Variants in CATSPERD observed in about 807,000 individuals in gnomAD.
CATSPERD encodes the protein cation channel sperm-associated auxiliary subunit delta.
Under a neutral mutation model 98.1 loss-of-function variants are expected in CATSPERD, and 86 were observed. The ratio of observed to expected loss-of-function variants is 0.88; its 90% CI spans 0.74 to 1.05. The LOEUF (loss-of-function observed/expected upper bound fraction) is 1.05. CATSPERD is among the 50% of genes least tolerant of loss of function. The probability of loss-of-function intolerance (pLI) is 0.00; values close to 1 mark genes in which losing one functional copy is unlikely to be tolerated. For missense variants in CATSPERD, 995 were observed against 1,005.7 expected, an observed-to-expected ratio of 0.99 and a Z score of 0.14; for synonymous variants, 394 against 390.2, an observed-to-expected ratio of 1.01 and a Z score of -0.12.
intron 2 of CATSPERD, among the ~76,000 whole-genome samples, chr19:5,725,107 A>G (rs1159122746): frequency 2.6e-5 from 4 of 152,170 alleles, no homozygotes; most frequent in African/African-American, 9.7e-5. Context: ...TAGAACTAAG[A>G]TGGTCTGAGT....
At chr19:5,750,096 G>A (rs1318561048) in intron 11 of CATSPERD, among the ~76,000 whole-genome samples, 4 of 146,198 alleles carry the variant, frequency 2.7e-5, no homozygotes, top group Non-Finnish European at 4.5e-5. Flanking sequence ...GAGCCACCGC[G>A]CCCGGCCGAA....
At chr19:5,723,666 G>A (rs561378651) in intron 1 of CATSPERD, among the ~76,000 whole-genome samples, 19 of 151,632 alleles carry the variant, frequency 1.3e-4, no homozygotes, top group Non-Finnish European at 2.5e-4. Flanking sequence ...GGGTTTCACC[G>A]TGTTAGCCAG....
At chr19:5,724,767 T>C (rs779261612) in intron 1 of CATSPERD, 41 bp from the exon 2 acceptor site, 2 of 1,596,788 alleles carry the variant, frequency 1.3e-6, no homozygotes, top group Non-Finnish European at 1.7e-6. Flanking sequence ...ATGCTGAATA[T>C]TCAATAAAAA....
chr19:5,766,250 A>G (rs1408099440), intron 17 of CATSPERD, 95 bp downstream of exon 17: 11 of 898,964 alleles, frequency 1.2e-5, no homozygotes, highest in Non-Finnish European at 1.1e-5. Flanking sequence ...CAGGAGTTCA[A>G]GACCAGCCTG....
intron 20 of CATSPERD, among the ~76,000 whole-genome samples, chr19:5,773,619 T>G (rs1040967230): frequency 6.6e-6 from 1 of 151,190 alleles, no homozygotes; most frequent in African/African-American, 2.4e-5. Context: ...AAGCCTCAAG[T>G]GATCCTCCCA....
intron 7 of CATSPERD, among the ~76,000 whole-genome samples, chr19:5,742,184 G>T: frequency 6.6e-6 from 1 of 151,120 alleles, no homozygotes; most frequent in Admixed American, 6.6e-5. Context: ...GTATGTATGT[G>T]AACGTGTGTG....
In CATSPERD at chr19:5,749,953, G is replaced by A. The variant is rs558817128; in HGVS notation, c.987+770G>A. 6.9e-3 allele frequency among the ~76,000 whole-genome samples: 1,037 copies of A among 151,186 alleles called. 8 individuals are homozygous for A. The highest frequency in any genetic ancestry group is 0.012 in the Non-Finnish European group (784 of 67,804). On this transcript the variant is annotated intron_variant, in intron 11 of 21. Transcript: ENST00000381624. ...CGAGTAGCTGGGATTACAGGCGCAT[G>A]CCACCACACCAGGCTAAGTTTTGTA...
At chr19:5,744,752 C>A (rs2145752586) in intron 8 of CATSPERD, among the ~76,000 whole-genome samples, 1 of 152,026 alleles carries the variant, frequency 6.6e-6, no homozygotes, top group Non-Finnish European at 1.5e-5. Flanking sequence ...GGGCTCGTGC[C>A]ACCGCGCCTG....
intron 16 of CATSPERD, among the ~76,000 whole-genome samples, chr19:5,765,870 AT>A (rs1037507955): frequency 2.1e-4 from 32 of 152,024 alleles, no homozygotes; most frequent in Non-Finnish European, 4.6e-4. Flanking sequence ...GAAGCCACTA[AT>A]AGCTCCTCAG....
chr19:5,724,817 A>G lies in CATSPERD; in HGVS notation c.81A>G (p.Thr27=). The G allele has an allele frequency of 6.2e-7, 1 of 1,614,060 alleles. No homozygotes were observed. The highest frequency in any genetic ancestry group is 8.5e-7 in the Non-Finnish European group (1 of 1,179,906). Residue 27 remains threonine, a synonymous_variant, in exon 2 of 22, where the codon ACA becomes ACG. Transcript: ENST00000381624. ...TTCTTGTCACTTCTAGTTCTCGCAC[A>G]GTGAGGACAGGAAAAGTGTTTAATC... is the stretch of plus-strand genomic sequence containing the variant. ...LVTAQLCRSR[T]VRTGKVFNLI...
intron 4 of CATSPERD, among the ~76,000 whole-genome samples, chr19:5,733,407 CTCCTTCCT>C (rs34670750): frequency 5.6e-4 from 79 of 141,068 alleles, no homozygotes; most frequent in East Asian, 1.7e-3. Context: ...TTCCTTTCTT[CTCCTTCCT>C]TCCTTCCTTC....
rs377609343 is a variant in CATSPERD, at chr19:5,759,168, G to A, written c.1427+24G>A. The A allele has an allele frequency of 1.8e-5, 29 of 1,610,008 alleles. No individual in the cohort carries two copies. The African/African-American group carries it at 2.4e-4, about 13-fold the overall frequency. Reference sequence around the variant, plus strand: ...AGGTATGTTGTCTCCTGGGAGAGGCGGGGACTGGGCTGCCTACAGGGGTTT... The same window carrying A: ...AGGTATGTTGTCTCCTGGGAGAGGCAGGGACTGGGCTGCCTACAGGGGTTT... On this transcript the variant is annotated intron_variant, in intron 15 of 21. Transcript: ENST00000381624.
At chr19:5,758,362 T>C (rs1246765761) in intron 14 of CATSPERD, among the ~76,000 whole-genome samples, 4 of 151,952 alleles carry the variant, frequency 2.6e-5, no homozygotes, top group East Asian at 1.9e-4. Flanking sequence ...AGCAAGGGAA[T>C]AGGAGCCATC....
rs2056505415 is a variant in CATSPERD at position 5,764,616 on chromosome 19, C to CATTT, written c.1506+1336_1506+1339dup. Among the ~76,000 whole-genome samples the CATTT allele has an allele frequency of 2.7e-5, 4 of 148,250 alleles. No individual in the cohort carries two copies. The South Asian group carries it at 8.6e-4, about 32-fold the overall frequency. ...ACAGGCGTGAGCCACTGCGCCCGGC[C>CATTT]ATTTATTTATTTATTTTTGAGACGG... is the stretch of plus-strand genomic sequence containing the variant. On this transcript the variant is annotated intron_variant, in intron 16 of 21. Coordinates refer to ENST00000381624, the MANE Select transcript of CATSPERD (RefSeq NM_152784.4).
chr19:5,743,381 T>C (rs1413612406), intron 7 of CATSPERD, among the ~76,000 whole-genome samples: 1 of 151,160 alleles, frequency 6.6e-6, no homozygotes, highest in African/African-American at 2.4e-5. Context: ...GCGGATCACC[T>C]GAGGTCAGGA....
At chr19:5,731,349 G>T (rs1031323697) in intron 4 of CATSPERD, among the ~76,000 whole-genome samples, 2 of 151,666 alleles carry the variant, frequency 1.3e-5, no homozygotes, top group Admixed American at 6.6e-5. Flanking sequence ...GTGTGGTGGT[G>T]TGGTGGTGCG....
chr19:5,757,664 C>A (rs2056351046), intron 13 of CATSPERD, among the ~76,000 whole-genome samples, 179 bp from the exon 14 acceptor site: 1 of 144,650 alleles, frequency 6.9e-6, no homozygotes, highest in Admixed American at 7.2e-5. Context: ...TCGTCTTGAA[C>A]TCCTGGGCTC....
Position 5,758,054 on chromosome 19 carries a change from G to A in CATSPERD, c.1368+122G>A, listed in dbSNP as rs561897426. The A allele has an allele frequency of 9.5e-5, 69 of 727,312 alleles. No homozygotes were observed. The African/African-American group carries it at 9.7e-4, about 10-fold the overall frequency. The allele number at this position is 727,312 out of a possible 1,614,324, so 45.1% of individuals were successfully genotyped here. ...TACATAGCCCGTGGCCGTGCCCCGC[G>A]GTGGGAAGATGATCAGGCAGCCGTC... is the stretch of plus-strand genomic sequence containing the variant. On this transcript the variant is annotated intron_variant, in intron 14 of 21. Transcript: ENST00000381624.
intron 7 of CATSPERD, among the ~76,000 whole-genome samples, chr19:5,743,279 G>A (rs1306339411): frequency 6.6e-6 from 1 of 151,848 alleles, no homozygotes; most frequent in Non-Finnish European, 1.5e-5. Context: ...CTCCAGCCTG[G>A]GCGACAAGAG....
Sources: gnomAD v4.1 joint callset for allele counts (sites outside exome capture counted in the v4.1 genomes callset) on GRCh38, gnomAD v4.1.1 for gene constraint, MANE v1.5 for transcripts, NCBI Gene and HGNC (gene_info 2026-07-23, HGNC 2026-07-21) for gene names.